Variants in CSF1R observed in about 807,000 individuals in gnomAD.
CSF1R encodes colony stimulating factor 1 receptor.
Under a neutral mutation model 110.0 loss-of-function variants are expected in CSF1R, and 40 were observed. The observed-to-expected ratio is 0.36, with a 90% confidence interval of 0.28 to 0.47. The LOEUF is 0.47. CSF1R is among the 20% of genes least tolerant of loss of function. The probability of loss-of-function intolerance (pLI) is 0.99; values close to 1 mark genes in which losing one functional copy is unlikely to be tolerated. For missense variants in CSF1R, 1,052 were observed against 1,253.0 expected (o/e 0.84, Z 2.42); for synonymous variants, 523 against 503.4 (o/e 1.04, Z -0.52).
At chr5:150,056,379 TCCTA>T in intron 16 of CSF1R, 38 bp from the exon 17 acceptor site, 1 of 1,611,888 alleles carries the variant, frequency 6.2e-7, no homozygotes, top group Non-Finnish European at 8.5e-7. Context: ...TTGGGCCTTC[TCCTA>T]CCTGAGCCTG....
At position 150,080,264 on chromosome 5, in the gene CSF1R, C is replaced by G; in HGVS notation, c.380G>C (p.Cys127Ser). The G allele has an allele frequency of 1.2e-6, 2 of 1,614,028 alleles. No individual in the cohort carries two copies. The highest frequency in any genetic ancestry group is 1.7e-6 in the Non-Finnish European group (2 of 1,180,046). ...VFEDQDALLP[C>S]LLTDPVLEAG... ...TTCCAGCACCGGGTCTGTGAGCAGA[C>G]AGGGCAGTAGTGCGTCCTGGTCCTC... The change falls in exon 3 of 21, where the codon TGT becomes TCT. Residue 127 changes from cysteine (C) to serine (S), a missense_variant. Cys to Ser is a moderately radical substitution (Grantham distance 112). This residue lies in a region of CSF1R where 693 missense variants were observed against 735.4 expected (regional missense o/e 0.94). Coordinates refer to ENST00000675795, the MANE Select transcript of CSF1R (RefSeq NM_001288705.3).
chr5:150,059,299 C>T (rs1482815710), intron 14 of CSF1R, among the ~76,000 whole-genome samples: 2 of 152,240 alleles, frequency 1.3e-5, no homozygotes, highest in African/African-American at 4.8e-5. Context: ...CCGCCTCAGC[C>T]TCCCAAAGTG....
At chr5:150,109,058 G>GCCCCCCCC (rs60014782) in intron 1 of CSF1R, among the ~76,000 whole-genome samples, 56 of 119,726 alleles carry the variant, frequency 4.7e-4, no homozygotes, top group African/African-American at 6.8e-4. Context: ...GGAGAAGCCC[G>GCCCCCCCC]CCCCCCCCCC....
At chr5:150,066,141 C>G (rs912654328) in intron 10 of CSF1R, among the ~76,000 whole-genome samples, 3 of 152,176 alleles carry the variant, frequency 2.0e-5, no homozygotes, top group African/African-American at 7.2e-5. Context: ...CAGACCTCCC[C>G]CTCCTTCCAC....
At chr5:150,100,306 T>TTTTTTG (rs1197402619) in intron 1 of CSF1R, among the ~76,000 whole-genome samples, 1 of 135,034 alleles carries the variant, frequency 7.4e-6, no homozygotes, top group Non-Finnish European at 1.6e-5. Flanking sequence ...TTTTTTTTTT[T>TTTTTTG]TTTTTTTCTG....
chr5:150,100,299 T>TTTTTTC (rs1311369965), intron 1 of CSF1R, among the ~76,000 whole-genome samples: 1 of 130,350 alleles, frequency 7.7e-6, no homozygotes, highest in Non-Finnish European at 1.7e-5. Flanking sequence ...CCTTTTTTTT[T>TTTTTTC]TTTTTTTTTT....
At chr5:150,082,032 C>G (rs1163929286) in intron 1 of CSF1R, among the ~76,000 whole-genome samples, 2 of 152,224 alleles carry the variant, frequency 1.3e-5, no homozygotes, top group Non-Finnish European at 2.9e-5. Context: ...GGTTTCCGCT[C>G]AGCCTGTGGC....
At chr5:150,099,111 T>C (rs1759318541) in intron 1 of CSF1R, among the ~76,000 whole-genome samples, 1 of 150,504 alleles carries the variant, frequency 6.6e-6, no homozygotes, top group East Asian at 1.9e-4. Flanking sequence ...TTTCACCATG[T>C]TGGCCAAGCT....
At chr5:150,086,061 T>C (rs1758831253) in intron 1 of CSF1R, among the ~76,000 whole-genome samples, 2 of 152,046 alleles carry the variant, frequency 1.3e-5, no homozygotes, top group Admixed American at 6.6e-5. Flanking sequence ...TCTATCACTG[T>C]CCCCCTGCCC....
chr5:150,111,641 T>C (rs1414901130), intron 1 of CSF1R, among the ~76,000 whole-genome samples: 1 of 152,144 alleles, frequency 6.6e-6, no homozygotes, highest in Non-Finnish European at 1.5e-5. Flanking sequence ...CAAATTTGGG[T>C]GGGTGCTTTA....
intron 5 of CSF1R, among the ~76,000 whole-genome samples, chr5:150,076,252 T>G (rs955802481): frequency 3.9e-5 from 6 of 152,198 alleles, no homozygotes; most frequent in African/African-American, 1.4e-4. Context: ...AGACTGAGCC[T>G]TCTCAGATAC....
chr5:150,102,466 T>G (rs1292043267), intron 1 of CSF1R, among the ~76,000 whole-genome samples: 1 of 152,188 alleles, frequency 6.6e-6, no homozygotes, highest in Non-Finnish European at 1.5e-5. Flanking sequence ...TTGTCTTTAT[T>G]GATTCATTGG....
intron 1 of CSF1R, among the ~76,000 whole-genome samples, chr5:150,084,597 A>G (rs1201258886): frequency 6.6e-6 from 1 of 151,358 alleles, no homozygotes; most frequent in Admixed American, 6.6e-5. Flanking sequence ...GAACTACAGG[A>G]ACCCACCACC....
At chr5:150,058,991 G>A (rs1016904448) in intron 14 of CSF1R, among the ~76,000 whole-genome samples, 1 of 152,252 alleles carries the variant, frequency 6.6e-6, no homozygotes, top group East Asian at 1.9e-4. Context: ...TCTGTCTGTT[G>A]GATGGCTCTG....
intron 5 of CSF1R, among the ~76,000 whole-genome samples, chr5:150,073,969 C>A (rs1014797586): frequency 2.6e-5 from 4 of 152,128 alleles, no homozygotes; most frequent in African/African-American, 9.7e-5. Flanking sequence ...CCCCTCTGGC[C>A]CGGTGATTGG....
intron 14 of CSF1R, chr5:150,058,286 T>C (rs965565424): frequency 1.8e-5 from 8 of 456,166 alleles, no homozygotes; most frequent in African/African-American, 1.6e-4. Context: ...GAGAGCACAC[T>C]TGGGGTAGAG....
chr5:150,081,091 C>G, intron 1 of CSF1R, 67 bp from the exon 2 acceptor site: 1 of 1,567,638 alleles, frequency 6.4e-7, no homozygotes, highest in Non-Finnish European at 8.7e-7. Flanking sequence ...CGTCCTGACT[C>G]TGAGATGGGT....
chr5:150,056,169 C>T (rs760846210), intron 17 of CSF1R, 32 bp from the exon 18 acceptor site: 5 of 1,614,170 alleles, frequency 3.1e-6, no homozygotes, highest in Non-Finnish European at 4.2e-6. Flanking sequence ...ATTTTGGGCC[C>T]CGACTCTTCA....
intron 10 of CSF1R, among the ~76,000 whole-genome samples, chr5:150,065,784 A>G (rs144440484): frequency 3.9e-5 from 6 of 152,300 alleles, no homozygotes; most frequent in African/African-American, 1.4e-4. Context: ...GGGGCAGCTG[A>G]ATTTCCTGGA....
Sources: gnomAD v4.1 joint callset for allele counts (sites outside exome capture counted in the v4.1 genomes callset) on GRCh38, gnomAD v4.1.1 for gene constraint, gnomAD v4.1.1 regional missense constraint, MANE v1.5 for transcripts, NCBI Gene and HGNC (gene_info 2026-07-23, HGNC 2026-07-21) for gene names.